SIK3: variants seen among roughly 807,000 people sequenced by gnomAD.
SIK3 encodes the protein serine/threonine-protein kinase SIK3.
Under a neutral mutation model 144.2 loss-of-function variants are expected in SIK3, and 28 were observed. The observed-to-expected ratio is 0.19, with a 90% CI of 0.14 to 0.27. The LOEUF (loss-of-function observed/expected upper bound fraction) is 0.27, where lower values mean the gene tolerates loss of function less well. SIK3 is among the 10% of genes least tolerant of loss of function. The pLI is 1.00. For synonymous variants in SIK3, 686 were observed against 676.3 expected (o/e 1.01, Z -0.22); for missense variants, 1,319 against 1,776.0 (o/e 0.74, Z 4.62).
intron 1 of SIK3, among the ~76,000 whole-genome samples, chr11:117,034,221 A>T (rs546151966): frequency 4.6e-5 from 7 of 152,332 alleles, no homozygotes; most frequent in African/African-American, 1.7e-4. Context: ...AGCTTGTTAA[A>T]TCCTACACTG....
intron 1 of SIK3, among the ~76,000 whole-genome samples, chr11:117,031,687 A>ATTTTTTTTTTT (rs57524562): frequency 2.0e-4 from 16 of 81,534 alleles, no homozygotes; most frequent in African/African-American, 2.3e-4. Flanking sequence ...CACCCGGCTA[A>ATTTTTTTTTTT]TTTTTTTTTT....
rs115162413 is a variant in SIK3 at position 117,049,975 on chromosome 11, G to T, written c.273+48168C>A. Among the ~76,000 whole-genome samples the T allele has an allele frequency of 6.8e-3, 1,023 of 151,400 alleles. 18 individuals carry two copies. The highest frequency in any genetic ancestry group is 0.023 in the African/African-American group (943 of 41,248). ...AACCTGTCTCTTAAAAAAAAAATAGGATCTTATATTATAGTATAATTATAT... is the reference window on the plus strand; with the variant it reads ...AACCTGTCTCTTAAAAAAAAAATAGTATCTTATATTATAGTATAATTATAT... On this transcript the variant is annotated intron_variant, in intron 1 of 24. Transcript: ENST00000445177.
chr11:116,879,925 A>G (rs1216865937), intron 6 of SIK3, among the ~76,000 whole-genome samples: 3 of 152,354 alleles, frequency 2.0e-5, no homozygotes, highest in Middle Eastern at 3.4e-3. Context: ...CAGTTACTTA[A>G]GAGGACAAAA....
At chr11:117,053,336 T>TG (rs898946935) in intron 1 of SIK3, among the ~76,000 whole-genome samples, 7 of 148,030 alleles carry the variant, frequency 4.7e-5, no homozygotes, top group East Asian at 2.0e-4. Context: ...GACTCTGTCT[T>TG]GGAAAAAAAA....
chr11:117,005,240 C>A (rs367661858), intron 1 of SIK3, among the ~76,000 whole-genome samples: 1 of 146,276 alleles, frequency 6.8e-6, no homozygotes, highest in Non-Finnish European at 1.5e-5. Context: ...GTCAGGAGTT[C>A]GAGACCAGCC....
At chr11:117,046,130 T>C (rs749236886) in intron 1 of SIK3, among the ~76,000 whole-genome samples, 17 of 152,262 alleles carry the variant, frequency 1.1e-4, no homozygotes, top group Non-Finnish European at 2.1e-4. Flanking sequence ...TTCCTCACTG[T>C]TCTGCACAAT....
chr11:117,064,039 C>T (rs911144935), intron 1 of SIK3, among the ~76,000 whole-genome samples: 11 of 151,912 alleles, frequency 7.2e-5, no homozygotes, highest in African/African-American at 2.7e-4. Context: ...GTATCAAAAA[C>T]ATCTGGAAAA....
chr11:117,023,622 ATATATAT>A (rs1304194792), intron 1 of SIK3, among the ~76,000 whole-genome samples: 60 of 73,808 alleles, frequency 8.1e-4, no homozygotes, highest in African/African-American at 3.8e-3. Flanking sequence ...AAAAAAAAAA[ATATATAT>A]ATATATATAT....
chr11:117,023,868 G>A (rs549580209), intron 1 of SIK3, among the ~76,000 whole-genome samples: 148 of 151,750 alleles, frequency 9.8e-4, no homozygotes, highest in African/African-American at 3.5e-3. Context: ...TAGTAGAGAC[G>A]GGGTCTTGCT....
chr11:116,891,122 C>CAG (rs145636408), intron 6 of SIK3, among the ~76,000 whole-genome samples: 2 of 152,052 alleles, frequency 1.3e-5, no homozygotes, highest in East Asian at 1.9e-4. Context: ...GCTTGGTCAA[C>CAG]AGAGAGAGAG....
intron 6 of SIK3, among the ~76,000 whole-genome samples, chr11:116,881,504 G>A (rs1460081267): frequency 6.6e-6 from 1 of 152,132 alleles, no homozygotes; most frequent in Non-Finnish European, 1.5e-5. Flanking sequence ...AGTTGACATA[G>A]CCAGTGTGAG....
intron 12 of SIK3, 89 bp from the exon 13 acceptor site, chr11:116,873,725 G>A (rs1393439095): frequency 2.0e-6 from 3 of 1,489,250 alleles, no homozygotes; most frequent in East Asian, 4.6e-5. Flanking sequence ...GAAATTAAGG[G>A]AGCCATGGGT....
At chr11:116,911,372 T>C (rs1263506618) in intron 4 of SIK3, among the ~76,000 whole-genome samples, 1 of 151,534 alleles carries the variant, frequency 6.6e-6, no homozygotes, top group Non-Finnish European at 1.5e-5. Context: ...CTGGGTGTGG[T>C]GGCACATGCC....
chr11:116,933,864 C>A (rs1300559499), intron 3 of SIK3, among the ~76,000 whole-genome samples: 4 of 152,204 alleles, frequency 2.6e-5, no homozygotes, highest in African/African-American at 4.8e-5. Flanking sequence ...ACCTTACCTT[C>A]TTTCACTGGC....
At chr11:116,999,017 G>T (rs543497549) in intron 1 of SIK3, among the ~76,000 whole-genome samples, 1 of 152,246 alleles carries the variant, frequency 6.6e-6, no homozygotes, top group Non-Finnish European at 1.5e-5. Flanking sequence ...AAGAACAAAG[G>T]TATATAAAAT....
chr11:117,027,819 G>C (rs948566930), intron 1 of SIK3, among the ~76,000 whole-genome samples: 1 of 152,100 alleles, frequency 6.6e-6, no homozygotes, highest in Non-Finnish European at 1.5e-5. Context: ...TTCAGCGTCT[G>C]AGCAAGTGAT....
chr11:117,089,108 A>G (rs549200447), intron 1 of SIK3, among the ~76,000 whole-genome samples: 1 of 152,126 alleles, frequency 6.6e-6, no homozygotes, highest in African/African-American at 2.4e-5. Flanking sequence ...ATAAATGTTT[A>G]TAAGAGTAAG....
In SIK3 at chr11:116,984,915, G is replaced by A. The variant is rs145124425; in HGVS notation, c.274-27851C>T. ...ATAGAGTCCAGAAGCACCAGTTACC[G>A]CACTCCCAAATAGGGACCTACAAAA... On this transcript the variant is annotated intron_variant, in intron 1 of 24. Transcript: ENST00000445177. Among the ~76,000 whole-genome samples, 80 of 152,252 alleles carry A rather than the reference G, an allele frequency of 5.3e-4. 3 individuals carry two copies. In the East Asian group the frequency reaches 0.013, roughly 24 times the overall value.
At chr11:116,960,737 T>A (rs1181330959) in intron 1 of SIK3, among the ~76,000 whole-genome samples, 1 of 152,186 alleles carries the variant, frequency 6.6e-6, no homozygotes, top group African/African-American at 2.4e-5. Context: ...AAAGTGATTT[T>A]GGGGATTAAC....
Sources: gnomAD v4.1 joint callset for allele counts (sites outside exome capture counted in the v4.1 genomes callset) on GRCh38, gnomAD v4.1.1 for gene constraint, MANE v1.5 for transcripts, NCBI Gene and HGNC (gene_info 2026-07-23, HGNC 2026-07-21) for gene names.